Variants in NPAS3 observed in about 807,000 individuals in gnomAD.
The protein encoded by NPAS3 is neuronal PAS domain protein 3.
NPAS3 carries 14 observed loss-of-function variants against 73.1 expected under a neutral mutation model. The observed-to-expected ratio is 0.19, with a 90% confidence interval of 0.13 to 0.30. The LOEUF (loss-of-function observed/expected upper bound fraction) is 0.30. Ranked by LOEUF, NPAS3 falls within the 10% of genes least tolerant of loss-of-function variation. NPAS3 has a pLI of 1.00. For synonymous variants in NPAS3, 620 were observed against 541.5 expected, an observed-to-expected ratio of 1.14 and a Z score of -2.01; for missense variants, 1,096 against 1,250.0, an observed-to-expected ratio of 0.88 and a Z score of 1.86.
At position 33,593,063 on chromosome 14, in the gene NPAS3, G is replaced by C. The variant is rs557738860; in HGVS notation, c.558+32853G>C. Among the ~76,000 whole-genome samples the C allele has an allele frequency of 2.6e-5, 4 of 152,120 alleles. No individual in the cohort carries two copies. The South Asian group carries it at 8.3e-4, about 32-fold the overall frequency. ...ATACCCCATTTATAGTAGTGGGCTT[G>C]GCACATGGAGGGGTCATATCACCAG... On this transcript the variant is annotated intron_variant, in intron 5 of 11. Transcript: ENST00000356141.
rs148867285 is a variant in NPAS3 at position 33,799,894 on chromosome 14, C to A, written c.1587C>A (p.Asp529Glu). Residue 529 changes from aspartate (D) to glutamate (E), a missense_variant, in exon 12 of 12, where the codon GAC becomes GAA. This residue lies in a region of NPAS3 where 698 missense variants were observed against 676.7 expected (regional missense o/e 1.03). Coordinates refer to ENST00000356141, the Ensembl canonical transcript of NPAS3. ...GTAACCCGGACAGCCGCGACAGCGACGACAGCTTCGAGCACTCGGACTTTG... is the reference window on the plus strand; with the variant it reads ...GTAACCCGGACAGCCGCGACAGCGAAGACAGCTTCGAGCACTCGGACTTTG... The A allele has an allele frequency of 5.3e-5, 85 of 1,614,078 alleles. No homozygotes were observed. The highest frequency in any genetic ancestry group is 7.0e-5 in the Non-Finnish European group (83 of 1,180,046).
Position 33,533,763 on chromosome 14 carries a change from G to A in NPAS3, c.469-26358G>A, listed in dbSNP as rs539139819. Among the ~76,000 whole-genome samples, 8 of 152,158 alleles carry A rather than the reference G, an allele frequency of 5.3e-5. No individual in the cohort carries two copies. In the East Asian group the frequency reaches 7.7e-4, roughly 15 times the overall value. The stretch of plus-strand genomic sequence containing the variant: ...GAAAATCACACCTGTATGTGGTGAC[G>A]TGAAAAGAGATCCGAAATGTATTGT... On this transcript the variant is annotated intron_variant, in intron 4 of 11. Coordinates refer to ENST00000356141, the Ensembl canonical transcript of NPAS3.
At chr14:33,499,633 C>A (rs1189015391) in intron 4 of NPAS3, among the ~76,000 whole-genome samples, 2 of 151,936 alleles carry the variant, frequency 1.3e-5, no homozygotes, top group African/African-American at 4.8e-5. Context: ...TGTTTTTGAT[C>A]TGGGTGTGCC....
At chr14:33,208,070 T>G (rs185588981) in intron 2 of NPAS3, among the ~76,000 whole-genome samples, 1 of 151,260 alleles carries the variant, frequency 6.6e-6, no homozygotes, top group Non-Finnish European at 1.5e-5. Flanking sequence ...AAGTGCAATT[T>G]ATTGGGTGGA....
chr14:33,289,945 C>T (rs1056240885), intron 3 of NPAS3, among the ~76,000 whole-genome samples: 2 of 152,144 alleles, frequency 1.3e-5, no homozygotes, highest in South Asian at 2.1e-4. Context: ...ATACGCCCAT[C>T]TCAGGCTTCA....
intron 7 of NPAS3, among the ~76,000 whole-genome samples, chr14:33,747,124 A>T (rs532930463): frequency 6.6e-6 from 1 of 152,104 alleles, no homozygotes; most frequent in South Asian, 2.1e-4. Context: ...TGCTGCTATA[A>T]AGACACATGC....
At chr14:33,140,233 A>G in intron 2 of NPAS3, among the ~76,000 whole-genome samples, 1 of 152,256 alleles carries the variant, frequency 6.6e-6, no homozygotes, top group East Asian at 1.9e-4. Context: ...TCCCACGAAA[A>G]TGAGGAAAAA....
At chr14:33,278,858 G>A (rs533840084) in intron 3 of NPAS3, among the ~76,000 whole-genome samples, 12 of 152,224 alleles carry the variant, frequency 7.9e-5, no homozygotes, top group Admixed American at 2.0e-4. Flanking sequence ...ATTTTAATGC[G>A]AGTGTGTATA....
chr14:33,737,650 GTGAAC>G (rs1177120266), intron 7 of NPAS3, among the ~76,000 whole-genome samples: 2 of 152,162 alleles, frequency 1.3e-5, no homozygotes, highest in East Asian at 3.9e-4. Context: ...CTCATCTGCA[GTGAAC>G]TTCCCTCATT....
At chr14:33,211,842 T>A (rs1468648275) in intron 2 of NPAS3, among the ~76,000 whole-genome samples, 1 of 152,148 alleles carries the variant, frequency 6.6e-6, no homozygotes. Flanking sequence ...ATGAAGAATC[T>A]CTTTTCTGCT....
intron 4 of NPAS3, among the ~76,000 whole-genome samples, chr14:33,411,572 C>G (rs561089075): frequency 1.3e-5 from 2 of 152,184 alleles, no homozygotes; most frequent in Non-Finnish European, 2.9e-5. Flanking sequence ...CTCCAGTGCA[C>G]AGGACAGCCC....
At chr14:32,941,246 CT>C (rs1446854281) in intron 1 of NPAS3, among the ~76,000 whole-genome samples, 1 of 42,456 alleles carries the variant, frequency 2.4e-5, no homozygotes, top group African/African-American at 1.1e-4. Flanking sequence ...CTCCTCCCTC[CT>C]TTCCCCTCCT....
chr14:33,443,654 T>C (rs1277051153), intron 4 of NPAS3, among the ~76,000 whole-genome samples: 1 of 152,186 alleles, frequency 6.6e-6, no homozygotes, highest in African/African-American at 2.4e-5. Context: ...AGGGGAGCTT[T>C]AATTGCAGGG....
chr14:33,755,835 C>T (rs987481695), intron 7 of NPAS3, among the ~76,000 whole-genome samples: 6 of 151,996 alleles, frequency 3.9e-5, no homozygotes, highest in Admixed American at 6.6e-5. Context: ...TGCTTCCACT[C>T]GTGGCAGAAG....
chr14:33,308,508 G>GTT (rs200748303), intron 3 of NPAS3, among the ~76,000 whole-genome samples: 66 of 61,934 alleles, frequency 1.1e-3, no homozygotes, highest in African/African-American at 4.7e-3. Flanking sequence ...CTATTGCATA[G>GTT]TTTATATATA....
chr14:33,283,921 G>C (rs963455469), intron 3 of NPAS3, among the ~76,000 whole-genome samples: 1 of 152,150 alleles, frequency 6.6e-6, no homozygotes, highest in African/African-American at 2.4e-5. Flanking sequence ...ACCCTGTGAG[G>C]ATCAGAATTG....
At chr14:33,590,037 C>T (rs1051566629) in intron 5 of NPAS3, among the ~76,000 whole-genome samples, 1 of 152,170 alleles carries the variant, frequency 6.6e-6, no homozygotes, top group African/African-American at 2.4e-5. Flanking sequence ...CCCCAAAAGA[C>T]AACATGAATG....
At chr14:33,679,876 T>C (rs1244246842) in intron 6 of NPAS3, among the ~76,000 whole-genome samples, 1 of 152,184 alleles carries the variant, frequency 6.6e-6, no homozygotes. Flanking sequence ...CAAACCCAAA[T>C]AAATATTTTA....
chr14:33,503,981 G>A lies in NPAS3; in HGVS notation c.469-56140G>A, dbSNP rs552457104. ...CTATGTACAACAACCTTATCTAGAC[G>A]TTATGTTATCTAGACATTATTCCAA... On this transcript the variant is annotated intron_variant, in intron 4 of 11. Coordinates refer to ENST00000356141, the Ensembl canonical transcript of NPAS3. Among the ~76,000 whole-genome samples, 7 of 152,030 alleles carry A rather than the reference G, an allele frequency of 4.6e-5. No homozygotes were observed. The East Asian group carries it at 9.7e-4, about 21-fold the overall frequency.
Sources: gnomAD v4.1 joint callset for allele counts (sites outside exome capture counted in the v4.1 genomes callset) on GRCh38, gnomAD v4.1.1 for gene constraint, gnomAD v4.1.1 regional missense constraint, MANE v1.5 for transcripts, NCBI Gene and HGNC (gene_info 2026-07-23, HGNC 2026-07-21) for gene names.